Variants in DGAT2 observed in about 807,000 individuals in gnomAD.
DGAT2 encodes diacylglycerol O-acyltransferase 2, also known as acyl-CoA retinol O-fatty-acyltransferase.
DGAT2 carries 33 observed loss-of-function variants against 48.4 expected under a neutral mutation model. The ratio of observed to expected loss-of-function variants is 0.68; its 90% CI spans 0.52 to 0.91. The LOEUF is 0.91. Among genes scored for constraint, DGAT2 ranks in the 40% least tolerant of loss-of-function variants. DGAT2 has a pLI of 0.00. For missense variants in DGAT2, 446 were observed against 493.7 expected (o/e 0.90, Z 0.92); for synonymous variants, 191 against 194.1 (o/e 0.98, Z 0.13).
intron 1 of DGAT2, among the ~76,000 whole-genome samples, chr11:75,777,126 G>A (rs894416699): frequency 6.6e-6 from 1 of 152,054 alleles, no homozygotes; most frequent in Non-Finnish European, 1.5e-5. Context: ...TTGGGGATGT[G>A]GGCAGGGTGA....
chr11:75,784,069 G>C (rs201780700), intron 1 of DGAT2, among the ~76,000 whole-genome samples: 2 of 152,094 alleles, frequency 1.3e-5, no homozygotes, highest in Non-Finnish European at 2.9e-5. Context: ...TGTTGGGGGT[G>C]GGGGCAAGAG....
intron 1 of DGAT2, among the ~76,000 whole-genome samples, chr11:75,778,849 A>AG (rs1944830759): frequency 6.6e-6 from 1 of 151,896 alleles, no homozygotes; most frequent in Admixed American, 6.6e-5. Context: ...AAAAAAAAAA[A>AG]AAAAAATTTA....
At chr11:75,797,595 GA>G (rs1945070906) in intron 6 of DGAT2, among the ~76,000 whole-genome samples, 1 of 152,218 alleles carries the variant, frequency 6.6e-6, no homozygotes, top group Admixed American at 6.5e-5. Flanking sequence ...TGCAGGACTG[GA>G]CCACCTGGGG....
At position 75,798,168 on chromosome 11, in the gene DGAT2, T is replaced by C. The variant is rs551327879; in HGVS notation, c.810-59T>C. ...TGGCCAGTGTCCAGGGCCTCTAGGC[T>C]GACATAGAAACTGAAGCCAGTAAGT... On this transcript the variant is annotated intron_variant, in intron 6 of 7. Coordinates refer to ENST00000228027, the MANE Select transcript of DGAT2 (RefSeq NM_032564.5). 14 of 1,580,166 alleles carry C rather than the reference T, an allele frequency of 8.9e-6. No homozygotes were observed. The Middle Eastern group carries it at 5.0e-4, about 57-fold the overall frequency.
chr11:75,793,568 C>T (rs1945014130), intron 4 of DGAT2: 1 of 152,374 alleles, frequency 6.6e-6, no homozygotes, highest in Admixed American at 6.5e-5. Context: ...TCAGCTTCCC[C>T]CCGTCATCCA....
rs571144265 is a variant in DGAT2 at position 75,790,430 on chromosome 11, G to T, written c.358+135G>T. On this transcript the variant is annotated intron_variant, in intron 3 of 7. Coordinates refer to ENST00000228027, the MANE Select transcript of DGAT2 (RefSeq NM_032564.5). The stretch of plus-strand genomic sequence containing the variant: ...GAAAAGCACTGGACTAGTCCTTTTG[G>T]GGGGAGGTTAAAAGCCCCTCAAAGG... 15 of 862,502 alleles carry T rather than the reference G, an allele frequency of 1.7e-5. No homozygotes were observed. In the Middle Eastern group the frequency reaches 6.7e-4, roughly 39 times the overall value. The allele number at this position is 862,502 out of a possible 1,614,324, so 53.4% of individuals were successfully genotyped here. A position where few individuals can be genotyped will look rare whatever the true frequency, so the allele number is the denominator to read the frequency against.
At chr11:75,791,738 G>A (rs1326139210) in intron 4 of DGAT2, among the ~76,000 whole-genome samples, 1 of 152,184 alleles carries the variant, frequency 6.6e-6, no homozygotes, top group Admixed American at 6.5e-5. Flanking sequence ...CGTTGCTGCT[G>A]GAGATCTCAG....
chr11:75,785,831 T>C (rs1944916903), intron 2 of DGAT2, among the ~76,000 whole-genome samples: 1 of 152,202 alleles, frequency 6.6e-6, no homozygotes, highest in South Asian at 2.1e-4. Flanking sequence ...GGCCAAGGGA[T>C]AGAACTTCAC....
intron 4 of DGAT2, chr11:75,794,085 G>GCAT (rs1235985011): frequency 2.0e-5 from 3 of 152,268 alleles, no homozygotes; most frequent in African/African-American, 7.2e-5. Context: ...GGGAGAAAGA[G>GCAT]CATCAGTGCC....
rs772958795 is a variant in DGAT2 at position 75,800,383 on chromosome 11, G to C, written c.1042G>C (p.Glu348Gln). Reference sequence around the variant, plus strand: ...AGAGCCCATCACCATCCCCAAGCTGGAGCACCCAACCCAGCAAGACATCGA... The same window carrying C: ...AGAGCCCATCACCATCCCCAAGCTGCAGCACCCAACCCAGCAAGACATCGA... ...VGEPITIPKL[E>Q]HPTQQDIDLY... Residue 348 changes from glutamate to glutamine, a missense_variant, in exon 8 of 8, where the codon GAG (glutamate) becomes CAG (glutamine). Glu to Gln is a conservative substitution (Grantham distance 29, BLOSUM62 2). Transcript: ENST00000228027. 6.2e-7 allele frequency: 1 copy of C among 1,614,094 alleles called. No homozygotes were observed. Among genetic ancestry groups the C allele is most frequent in the Non-Finnish European group, 8.5e-7 (1 of 1,180,026 alleles).
At chr11:75,771,082 A>G (rs930320979) in intron 1 of DGAT2, among the ~76,000 whole-genome samples, 11 of 152,158 alleles carry the variant, frequency 7.2e-5, no homozygotes, top group Admixed American at 2.0e-4. Flanking sequence ...ACAGTATTCA[A>G]GTAGAGACCA....
intron 1 of DGAT2, 147 bp from the exon 2 acceptor site, chr11:75,784,471 C>A: frequency 9.2e-7 from 1 of 1,089,472 alleles, no homozygotes; most frequent in Non-Finnish European, 1.3e-6. Flanking sequence ...AGGTGGAGGG[C>A]TAGGATCTGA....
chr11:75,769,008 C>T lies in DGAT2; in HGVS notation c.17C>T (p.Ala6Val). Residue 6 changes from alanine to valine, a missense_variant, in exon 1 of 8, where the codon GCC (alanine) becomes GTC (valine). Transcript: ENST00000228027. Reference protein sequence around the residue: MKTLIAAYSGVLRGER... With the variant: MKTLIVAYSGVLRGER... ...GCTTCAGCCATGAAGACCCTCATAG[C>T]CGCCTACTCCGGGGTCCTGCGCGGC... 1 of 1,567,146 alleles carries T rather than the reference C, an allele frequency of 6.4e-7. No individual in the cohort carries two copies. Among genetic ancestry groups the T allele is most frequent in the South Asian group, 1.2e-5 (1 of 86,912 alleles).
At chr11:75,769,569 T>C (rs758445603) in intron 1 of DGAT2, among the ~76,000 whole-genome samples, 2 of 152,064 alleles carry the variant, frequency 1.3e-5, no homozygotes, top group Non-Finnish European at 2.9e-5. Flanking sequence ...GGAGCCCACA[T>C]AGCAGCAACT....
intron 2 of DGAT2, among the ~76,000 whole-genome samples, chr11:75,786,583 G>C (rs1944925006): frequency 1.3e-5 from 2 of 152,218 alleles, no homozygotes; most frequent in African/African-American, 4.8e-5. Flanking sequence ...CCACAGCCCA[G>C]AAACCGGCCC....
In DGAT2 at chr11:75,784,702, A is replaced by G. The variant is rs1944902477; in HGVS notation, c.206A>G (p.Gln69Arg). The change falls in exon 2 of 8, where the codon CAG (glutamine) becomes CGG (arginine). Residue 69 changes from glutamine (Q) to arginine (R), a missense_variant. By Grantham distance (43) the Gln-to-Arg change is conservative. Transcript: ENST00000228027. ...LNRSKVEKQLQVISVLQWVLS... is the reference protein window; with the variant it reads ...LNRSKVEKQLRVISVLQWVLS... ...AGGTCCAAGGTGGAAAAGCAGCTAC[A>G]GGTCATCTCAGTGCTCCAGTGGGTC... 6.2e-7 allele frequency: 1 copy of G among 1,613,954 alleles called. No individual in the cohort carries two copies. The highest frequency in any genetic ancestry group is 1.3e-5 in the African/African-American group (1 of 74,888).
chr11:75,785,238 T>C (rs2135768923), intron 2 of DGAT2, among the ~76,000 whole-genome samples: 1 of 152,324 alleles, frequency 6.6e-6, no homozygotes, highest in Non-Finnish European at 1.5e-5. Context: ...TTTCCTCATT[T>C]TGAGTGTGAG....
In DGAT2 at chr11:75,800,554, C is replaced by G. The variant is rs544529156; in HGVS notation, c.*46C>G. ...CCCTGGAGGAACCAGCTGCAAATCA[C>G]TTTTTTGCTCTGTAAATTTGGAAGT... On this transcript the variant is annotated 3_prime_UTR_variant, in exon 8 of 8. Transcript: ENST00000228027. 1 of 1,589,526 alleles carries G rather than the reference C, an allele frequency of 6.3e-7. No homozygotes were observed. Among genetic ancestry groups the G allele is most frequent in the Non-Finnish European group, 8.6e-7 (1 of 1,167,896 alleles).
chr11:75,790,855 T>A, intron 4 of DGAT2, 124 bp downstream of exon 4: 1 of 926,962 alleles, frequency 1.1e-6, no homozygotes, highest in Non-Finnish European at 1.7e-6. Context: ...CTTTCTACTG[T>A]GTCACTGGCT....
Sources: allele counts gnomAD v4.1 joint callset (sites outside exome capture counted in the v4.1 genomes callset), GRCh38; gene constraint gnomAD v4.1.1; transcripts MANE v1.5; gene names NCBI Gene and HGNC (gene_info 2026-07-23, HGNC 2026-07-21).